Variants in CLIC5 observed in about 807,000 individuals in gnomAD.
CLIC5 encodes the protein CLIC family member 5, also known as chloride intracellular channel protein 5.
In CLIC5, 20 loss-of-function variants were observed where a neutral mutation model predicts 24.7. The observed-to-expected ratio is 0.81, with a 90% CI of 0.57 to 1.18. The LOEUF is 1.18. CLIC5 is among the 50% of genes most tolerant of loss of function. The pLI is 0.00. For missense variants in CLIC5, 341 were observed against 326.1 expected, an observed-to-expected ratio of 1.05 and a Z score of -0.35; for synonymous variants, 159 against 135.6, an observed-to-expected ratio of 1.17 and a Z score of -1.20.
At chr6:46,107,537 G>A in the CLIC5 span, among the ~76,000 whole-genome samples, 100 of 152,286 alleles carry the variant, frequency 6.6e-4, no homozygotes, top group African/African-American at 2.3e-3. Context: ...TGATTAATAT[G>A]TGTAATTAAA....
Position 46,011,033 on chromosome 6 carries a change from C to T in CLIC5, c.63+4447G>A, listed in dbSNP as rs549983524. Among the ~76,000 whole-genome samples, 73 of 152,290 alleles carry T rather than the reference C, an allele frequency of 4.8e-4. 1 individual carries two copies. Among genetic ancestry groups the T allele is most frequent in the African/African-American group, 1.6e-3 (67 of 41,562 alleles). ...ATGACCACACCACGAGTCACCACAA[C>T]TTGTATTGCACCCTGCACCACTCAG... is the stretch of plus-strand genomic sequence containing the variant. On this transcript the variant is annotated intron_variant, in intron 1 of 5. Coordinates refer to ENST00000339561, the MANE Select transcript of CLIC5 (RefSeq NM_016929.5).
intron 1 of CLIC5, among the ~76,000 whole-genome samples, chr6:45,978,214 T>C (rs1765447680): frequency 6.6e-6 from 1 of 152,218 alleles, no homozygotes; most frequent in African/African-American, 2.4e-5. Flanking sequence ...CAGCATTACA[T>C]TATGATCTTA....
intron 4 of CLIC5, among the ~76,000 whole-genome samples, chr6:45,922,126 G>A (rs547682492): frequency 1.1e-4 from 17 of 152,346 alleles, no homozygotes; most frequent in African/African-American, 3.8e-4. Context: ...AGCACGTGGT[G>A]CCATGGGTAT....
chr6:46,081,174 T>C (rs1305251055), upstream of CLIC5, among the ~76,000 whole-genome samples: 1 of 152,206 alleles, frequency 6.6e-6, no homozygotes, highest in East Asian at 1.9e-4. Context: ...CAATAAAAAA[T>C]TGTATGCACA....
At position 46,006,017 on chromosome 6, in the gene CLIC5, C is replaced by T. The variant is rs1174822353; in HGVS notation, c.63+9463G>A. ...ATATATATTTATATATATATATATACACACATGTATAAATATATATACATG... is the reference window on the plus strand; with the variant it reads ...ATATATATTTATATATATATATATATACACATGTATAAATATATATACATG... On this transcript the variant is annotated intron_variant, in intron 1 of 5. Transcript: ENST00000339561. 1.9e-3 allele frequency among the ~76,000 whole-genome samples: 246 copies of T among 132,130 alleles called. 1 individual carries two copies. The highest frequency in any genetic ancestry group is 7.2e-3 in the African/African-American group (231 of 32,242). The allele number at this position is 132,130 out of a possible 152,430, so 86.7% of individuals were successfully genotyped here. A position where few individuals can be genotyped will look rare whatever the true frequency, so the allele number is the denominator to read the frequency against.
chr6:46,019,610 C>T (rs1767117132), upstream of CLIC5, among the ~76,000 whole-genome samples: 2 of 145,020 alleles, frequency 1.4e-5, no homozygotes, highest in East Asian at 2.1e-4. Flanking sequence ...GGCGTGAACC[C>T]GGGAAGCGGA....
intron 1 of CLIC5, among the ~76,000 whole-genome samples, chr6:46,073,271 C>T (rs781512520): frequency 1.1e-4 from 16 of 152,146 alleles, no homozygotes; most frequent in Non-Finnish European, 1.9e-4. Flanking sequence ...GGAAACTATA[C>T]TAAAATAACA....
chr6:46,022,905 G>C (rs111916859), intron 1 of CLIC5, among the ~76,000 whole-genome samples: 81 of 152,232 alleles, frequency 5.3e-4, no homozygotes, highest in African/African-American at 1.9e-3. Flanking sequence ...TTCCTTCCGG[G>C]ATTGAGTTAT....
At chr6:45,978,171 A>T (rs1349081341) in intron 1 of CLIC5, among the ~76,000 whole-genome samples, 1 of 152,200 alleles carries the variant, frequency 6.6e-6, no homozygotes, top group Non-Finnish European at 1.5e-5. Flanking sequence ...GCATTTAGGG[A>T]TAGTTTGTGG....
intron 1 of CLIC5, among the ~76,000 whole-genome samples, chr6:45,995,482 A>AT (rs1197753507): frequency 1.3e-5 from 2 of 152,242 alleles, no homozygotes; most frequent in East Asian, 3.8e-4. Flanking sequence ...AGGCCTCCCA[A>AT]GGCTGGCCCA....
At chr6:46,120,863 AAGAAGAGAAGTTTAG>A in the CLIC5 span, among the ~76,000 whole-genome samples, 23 of 152,206 alleles carry the variant, frequency 1.5e-4, no homozygotes, top group Admixed American at 2.6e-4. Context: ...GAAATGAAGC[AAGAAGAGAAGTTTAG>A]AGAAAAAAGA....
chr6:46,099,188 G>C, the CLIC5 span, among the ~76,000 whole-genome samples: 1 of 152,196 alleles, frequency 6.6e-6, no homozygotes, highest in Non-Finnish European at 1.5e-5. Flanking sequence ...TAAGTGTACA[G>C]GCACTCCCCC....
chr6:46,067,151 G>A (rs1014663740), intron 1 of CLIC5, among the ~76,000 whole-genome samples: 5 of 152,114 alleles, frequency 3.3e-5, no homozygotes, highest in South Asian at 2.1e-4. Flanking sequence ...GTTGAATGAA[G>A]GCTAGCTGAG....
the CLIC5 span, among the ~76,000 whole-genome samples, chr6:46,092,548 C>CCTGCCCTGATTCTACCTAAGTA: frequency 1.3e-5 from 2 of 152,192 alleles, no homozygotes; most frequent in African/African-American, 4.8e-5. Flanking sequence ...TCCTACCATT[C>CCTGCCCTGATTCTACCTAAGTA]ATAACATTCA....
chr6:46,113,862 A>T, the CLIC5 span, among the ~76,000 whole-genome samples: 2 of 152,190 alleles, frequency 1.3e-5, no homozygotes, highest in Admixed American at 6.5e-5. Flanking sequence ...CCACATGAAG[A>T]TGGAGAGAAG....
rs67557243 is a variant in CLIC5, at chr6:46,036,306, C to CTT, written c.540+43395_540+43396dup. Among the ~76,000 whole-genome samples, 286 of 88,188 alleles carry CTT rather than the reference C, an allele frequency of 3.2e-3. 5 individuals carry two copies. Among genetic ancestry groups the CTT allele is most frequent in the African/African-American group, 6.9e-3 (145 of 20,948 alleles). The allele number at this position is 88,188 out of a possible 152,430, so 57.9% of individuals were successfully genotyped here. On this transcript the variant is annotated intron_variant, in intron 1 of 5. Transcript: ENST00000185206. ...TGTCTCCCCACCTAGACTGCAAGGT[C>CTT]TTTTTTTTTTTTTTTTTTTTTGAGA...
At chr6:45,922,518 G>A (rs1399534756) in intron 4 of CLIC5, among the ~76,000 whole-genome samples, 1 of 152,110 alleles carries the variant, frequency 6.6e-6, no homozygotes, top group Non-Finnish European at 1.5e-5. Context: ...ACAACAAAAT[G>A]CATATTTTTT....
At chr6:46,112,145 G>A in the CLIC5 span, among the ~76,000 whole-genome samples, 1 of 152,000 alleles carries the variant, frequency 6.6e-6, no homozygotes, top group Non-Finnish European at 1.5e-5. Context: ...GAGATGGTTG[G>A]TCAGAAAGCC....
At chr6:46,057,763 T>C (rs1768300259) in intron 1 of CLIC5, among the ~76,000 whole-genome samples, 2 of 152,200 alleles carry the variant, frequency 1.3e-5, no homozygotes, top group African/African-American at 4.8e-5. Context: ...TGCCCTCATA[T>C]GTGGTACAAC....
Sources: allele counts gnomAD v4.1 joint callset (sites outside exome capture counted in the v4.1 genomes callset), GRCh38; gene constraint gnomAD v4.1.1; transcripts MANE v1.5; gene names NCBI Gene and HGNC (gene_info 2026-07-23, HGNC 2026-07-21).